The following DGKB variants were observed in gnomAD, a reference collection of about 807,000 sequenced individuals.
The protein encoded by DGKB is diacylglycerol kinase beta.
A neutral mutation model predicts 114.3 loss-of-function variants in DGKB; 67 were observed. That is an observed-to-expected ratio of 0.59 (90% CI 0.48 to 0.72). DGKB has a LOEUF of 0.72. DGKB is among the 30% of genes least tolerant of loss of function. The pLI is 0.00. For synonymous variants in DGKB, 398 were observed against 323.1 expected (o/e 1.23, Z -2.49); for missense variants, 907 against 975.2 (o/e 0.93, Z 0.93).
rs1462591385 is a variant in DGKB at position 14,965,152 on chromosome 7, T to C, written c.-188+9544A>G. The stretch of plus-strand genomic sequence containing the variant: ...TTTTATTTTGATATGTAGAATTGAA[T>C]ATACCCTAGATATGCAAGTAGAAAA... On this transcript the variant is annotated intron_variant, in intron 1 of 4. Coordinates refer to the DGKB transcript ENST00000437998. 2.6e-5 allele frequency among the ~76,000 whole-genome samples: 4 copies of C among 152,092 alleles called. No homozygotes were observed. In the South Asian group the frequency reaches 6.2e-4, roughly 24 times the overall value.
At chr7:14,916,163 C>A (rs1229218279) in intron 1 of DGKB, among the ~76,000 whole-genome samples, 1 of 151,722 alleles carries the variant, frequency 6.6e-6, no homozygotes, top group East Asian at 1.9e-4. Context: ...ATACATATTG[C>A]AAACTCTGAG....
At chr7:14,250,180 G>T (rs2128388259) in intron 23 of DGKB, among the ~76,000 whole-genome samples, 1 of 150,408 alleles carries the variant, frequency 6.6e-6, no homozygotes, top group Non-Finnish European at 1.5e-5. Context: ...TGTTGCCTAG[G>T]CTGGTCTTGA....
chr7:14,880,448 AC>A (rs1231260614), intron 1 of DGKB, among the ~76,000 whole-genome samples: 1 of 152,110 alleles, frequency 6.6e-6, no homozygotes, highest in Non-Finnish European at 1.5e-5. Context: ...ACAGAGTGAG[AC>A]TCCATCTCAA....
chr7:14,404,887 C>A (rs73679724), intron 21 of DGKB, among the ~76,000 whole-genome samples: 225 of 151,922 alleles, frequency 1.5e-3, no homozygotes, highest in African/African-American at 5.0e-3. Flanking sequence ...TCACCTCAGC[C>A]ATTAAACACT....
intron 23 of DGKB, among the ~76,000 whole-genome samples, chr7:14,226,798 A>G (rs1238218277): frequency 6.6e-6 from 1 of 152,088 alleles, no homozygotes; most frequent in South Asian, 2.1e-4. Flanking sequence ...ATTGCAATTC[A>G]TGTTTGTGGT....
At chr7:14,472,194 C>T (rs1352960642) in intron 21 of DGKB, among the ~76,000 whole-genome samples, 1 of 152,094 alleles carries the variant, frequency 6.6e-6, no homozygotes, top group East Asian at 1.9e-4. Context: ...TGGCTGTTTC[C>T]CCACCAAATC....
At chr7:14,622,331 G>A (rs2128818338) in intron 14 of DGKB, among the ~76,000 whole-genome samples, 1 of 152,088 alleles carries the variant, frequency 6.6e-6, no homozygotes, top group East Asian at 1.9e-4. Context: ...TTTGCCACCT[G>A]TAAGACTCAG....
At chr7:14,359,262 C>T (rs1337844949) in intron 21 of DGKB, among the ~76,000 whole-genome samples, 1 of 152,082 alleles carries the variant, frequency 6.6e-6, no homozygotes, top group Non-Finnish European at 1.5e-5. Flanking sequence ...ACTGGCTAGC[C>T]ATATGGAGAA....
intron 23 of DGKB, among the ~76,000 whole-genome samples, chr7:14,298,616 C>G (rs916753303): frequency 1.3e-5 from 2 of 151,904 alleles, no homozygotes; most frequent in Non-Finnish European, 2.9e-5. Flanking sequence ...CAATACCACT[C>G]AGGGCATAGG....
At chr7:14,450,201 C>G (rs1831281869) in intron 21 of DGKB, among the ~76,000 whole-genome samples, 1 of 152,136 alleles carries the variant, frequency 6.6e-6, no homozygotes, top group Non-Finnish European at 1.5e-5. Context: ...CTGGTTAACA[C>G]CAAATTCCTG....
intron 3 of DGKB, among the ~76,000 whole-genome samples, chr7:14,754,371 C>G (rs1723223): frequency 0.35 from 53,694 of 151,968 alleles, 13,034 homozygotes; most frequent in African/African-American, 0.68. Context: ...AGAGGATTAA[C>G]AGAAATATAA....
At chr7:14,572,745 A>G (rs1457811095) in intron 20 of DGKB, among the ~76,000 whole-genome samples, 3 of 152,298 alleles carry the variant, frequency 2.0e-5, no homozygotes, top group Non-Finnish European at 4.4e-5. Flanking sequence ...GGGAAACAAT[A>G]TTTATACAGT....
intron 1 of DGKB, among the ~76,000 whole-genome samples, chr7:14,855,583 G>C (rs1009360360): frequency 6.6e-6 from 1 of 151,980 alleles, no homozygotes; most frequent in African/African-American, 2.4e-5. Flanking sequence ...CACACATTTT[G>C]TCAGATGCTG....
intron 4 of DGKB, among the ~76,000 whole-genome samples, chr7:14,744,911 GA>G (rs1205721488): frequency 6.6e-6 from 1 of 152,076 alleles, no homozygotes; most frequent in African/African-American, 2.4e-5. Flanking sequence ...CTACAACTCA[GA>G]AGAAACAAAA....
chr7:14,720,471 A>ATT (rs1554620181), intron 5 of DGKB, among the ~76,000 whole-genome samples: 2 of 104,208 alleles, frequency 1.9e-5, no homozygotes, highest in African/African-American at 4.5e-5. Context: ...CGCCCGGCTG[A>ATT]TTTGTGTGTG....
chr7:14,719,400 G>A (rs560473593), intron 5 of DGKB, among the ~76,000 whole-genome samples: 5 of 131,334 alleles, frequency 3.8e-5, no homozygotes, highest in African/African-American at 5.2e-5. Context: ...TAATCTAACC[G>A]AAATATGTTC....
intron 23 of DGKB, among the ~76,000 whole-genome samples, chr7:14,188,644 AGCGAGACTCCGTCTC>A (rs1783830274): frequency 9.0e-6 from 1 of 110,860 alleles, no homozygotes; most frequent in Admixed American, 1.1e-4. Context: ...TGGGCGACAA[AGCGAGACTCCGTCTC>A]AAAAAAAAAA....
intron 1 of DGKB, among the ~76,000 whole-genome samples, chr7:14,911,578 T>C (rs1784006451): frequency 6.6e-6 from 1 of 152,216 alleles, no homozygotes; most frequent in Non-Finnish European, 1.5e-5. Flanking sequence ...GTAAATTGAA[T>C]TAACAAATTC....
chr7:14,237,652 G>T (rs1793004739), intron 23 of DGKB, among the ~76,000 whole-genome samples: 1 of 151,706 alleles, frequency 6.6e-6, no homozygotes, highest in Non-Finnish European at 1.5e-5. Context: ...TCAGAAACAG[G>T]CCTGAGAGCA....
Sources: allele counts gnomAD v4.1 joint callset (sites outside exome capture counted in the v4.1 genomes callset), GRCh38; gene constraint gnomAD v4.1.1; transcripts MANE v1.5; gene names NCBI Gene and HGNC (gene_info 2026-07-23, HGNC 2026-07-21).